ADCY6: variants seen among roughly 807,000 people sequenced by gnomAD.
ADCY6 encodes the protein adenylate cyclase 6.
In ADCY6, 59 loss-of-function variants were observed where a neutral mutation model predicts 111.6. The ratio of observed to expected loss-of-function variants is 0.53; its 90% CI spans 0.43 to 0.66. ADCY6 has a LOEUF of 0.66. Ranked by LOEUF, ADCY6 falls within the 30% of genes least tolerant of loss-of-function variation. The pLI is 0.00. For missense variants in ADCY6, 1,242 were observed against 1,595.6 expected (o/e 0.78, Z 3.78); for synonymous variants, 576 against 642.9 (o/e 0.90, Z 1.57).
chr12:48,784,974 C>G (rs992305228), intron 1 of ADCY6, among the ~76,000 whole-genome samples: 1 of 152,134 alleles, frequency 6.6e-6, no homozygotes, highest in African/African-American at 2.4e-5. Flanking sequence ...TCACAAGAAC[C>G]TCTTTGCTGT....
chr12:48,783,188 C>G lies in ADCY6; in HGVS notation c.247G>C (p.Gly83Arg). 19 of 1,607,056 alleles carry G rather than the reference C, an allele frequency of 1.2e-5. No individual in the cohort carries two copies. Among genetic ancestry groups the G allele is most frequent in the Non-Finnish European group, 1.6e-5 (19 of 1,179,686 alleles). The part of the protein sequence containing the change: ...RGGPGKGKEL[G>R]LRAVALGFED... ...AAGCCCAGGGCCACTGCCCGCAGCC[C>G]CAGCTCCTTGCCCTTGCCTGGGCCG... The change falls in exon 2 of 22, where the codon GGG becomes CGG. Residue 83 changes from glycine to arginine, a missense_variant. This residue lies in a region of ADCY6 where 362 missense variants were observed against 377.2 expected (regional missense o/e 0.96). Coordinates refer to ENST00000357869, the MANE Select transcript of ADCY6 (RefSeq NM_015270.5).
At chr12:48,781,881 C>T (rs751339815) in intron 2 of ADCY6, among the ~76,000 whole-genome samples, 2 of 152,318 alleles carry the variant, frequency 1.3e-5, no homozygotes, top group South Asian at 2.1e-4. Flanking sequence ...CAAGGAAAGG[C>T]GCCCAGGTCC....
In ADCY6 at chr12:48,771,674, C is replaced by T; in HGVS notation, c.3051+36G>A. 1 of 1,612,660 alleles carries T rather than the reference C, an allele frequency of 6.2e-7. No individual in the cohort carries two copies. The highest frequency in any genetic ancestry group is 8.5e-7 in the Non-Finnish European group (1 of 1,180,000). On this transcript the variant is annotated intron_variant, in intron 19 of 21. Coordinates refer to ENST00000357869, the MANE Select transcript of ADCY6 (RefSeq NM_015270.5). The surrounding 1 kb of genome is among the most constrained non-coding windows in gnomAD (Gnocchi z 4.3). The stretch of plus-strand genomic sequence containing the variant: ...CCAATCCCTGGTCTCCAAGTACCCC[C>T]CACTCTCTGCCACCACCAGCCAACT...
intron 2 of ADCY6, among the ~76,000 whole-genome samples, chr12:48,779,125 G>A (rs745558652): frequency 2.6e-5 from 4 of 151,878 alleles, no homozygotes; most frequent in South Asian, 2.1e-4. Flanking sequence ...CAAGTGATCC[G>A]CCCACCTCGG....
rs751062716 is a variant in ADCY6 at position 48,769,075 on chromosome 12, A to G, written c.3257-14T>C. The G allele has an allele frequency of 3.1e-5, 49 of 1,604,158 alleles. No homozygotes were observed. The highest frequency in any genetic ancestry group is 4.1e-5 in the Non-Finnish European group (48 of 1,174,484). On this transcript the variant is annotated splice_polypyrimidine_tract_variant and intron_variant, in intron 20 of 21. Coordinates refer to ENST00000357869, the MANE Select transcript of ADCY6 (RefSeq NM_015270.5). ...CCATGTTCAGCCCTGAGGTGGAGAG[A>G]ACAGCAAGAGACTAGTGGATGCTCC...
Position 48,782,500 on chromosome 12 carries a change from GC to G in ADCY6, c.864+70del. ...TGACTCACCCGCCCTTCCTCACTAA[GC>G]CCCCACCTGCTTATGAGGTGAGAAA... On this transcript the variant is annotated intron_variant, in intron 2 of 21. Transcript: ENST00000357869. This position sits in a 1 kb window ranked among gnomAD's most constrained non-coding sequence, Gnocchi z 4.3. The G allele has an allele frequency of 6.5e-7, 1 of 1,528,682 alleles. No homozygotes were observed. Among genetic ancestry groups the G allele is most frequent in the Non-Finnish European group, 8.8e-7 (1 of 1,136,848 alleles). 94.7% of individuals were successfully genotyped at this position (1,528,682 alleles called of 1,614,324 possible).
At chr12:48,770,195 C>T (rs1183373367) in intron 20 of ADCY6, among the ~76,000 whole-genome samples, 2 of 151,856 alleles carry the variant, frequency 1.3e-5, no homozygotes, top group African/African-American at 2.4e-5. Flanking sequence ...TGATCCACCG[C>T]GCCCGGCATG....
chr12:48,783,486 G>T, intron 1 of ADCY6, 48 bp from the exon 2 acceptor site: 1 of 1,611,820 alleles, frequency 6.2e-7, no homozygotes, highest in South Asian at 1.1e-5. Context: ...CAGTAGGAGT[G>T]GTATTAATAC....
At chr12:48,778,448 A>G in intron 2 of ADCY6, 191 bp from the exon 3 acceptor site, 2 of 623,704 alleles carry the variant, frequency 3.2e-6, no homozygotes, top group Non-Finnish European at 2.8e-6. Flanking sequence ...GATCCCAGCC[A>G]ACTGCCTGAA....
Position 48,770,858 on chromosome 12 carries a change from T to G in ADCY6, c.3164A>C (p.His1055Pro). ...ASTYDQVGRSHITALADYAMR... is the reference protein window; with the variant it reads ...ASTYDQVGRSPITALADYAMR... ...GGCGTAGTCAGCCAGGGCAGTGATG[T>G]GGGAGCGGCCCACCTGATCGTAGGT... Residue 1055 changes from histidine (H) to proline (P), a missense_variant, in exon 20 of 22, where the codon CAC becomes CCC. By Grantham distance (77) the His-to-Pro change is moderately conservative (BLOSUM62 -2). This residue lies in a region of ADCY6 where 245 missense variants were observed against 371.3 expected (regional missense o/e 0.66). Transcript: ENST00000357869. 4 of 1,614,242 alleles carry G rather than the reference T, an allele frequency of 2.5e-6. No homozygotes were observed. The highest frequency in any genetic ancestry group is 3.4e-6 in the Non-Finnish European group (4 of 1,180,048).
intron 1 of ADCY6, among the ~76,000 whole-genome samples, chr12:48,787,583 A>G (rs1041041457): frequency 6.6e-6 from 1 of 152,138 alleles, no homozygotes; most frequent in African/African-American, 2.4e-5. Context: ...GCACTGTTCC[A>G]AGCCACAAAA....
chr12:48,785,593 T>G (rs1467934127), intron 1 of ADCY6, among the ~76,000 whole-genome samples: 1 of 152,190 alleles, frequency 6.6e-6, no homozygotes, highest in Non-Finnish European at 1.5e-5. Context: ...CGCTCCAGCT[T>G]GGGCAATAAG....
rs367931608 is a variant in ADCY6, at chr12:48,776,133, G to A, written c.1678-42C>T. 2 of 1,613,890 alleles carry A rather than the reference G, an allele frequency of 1.2e-6. No homozygotes were observed. Among genetic ancestry groups the A allele is most frequent in the Non-Finnish European group, 1.7e-6 (2 of 1,179,900 alleles). Reference sequence around the variant, plus strand: ...GGTACAGGCTCAGAAGAGGGGCCCAGAGGAGGCCTTGGCCTGCTCCTCCCC... The same window carrying A: ...GGTACAGGCTCAGAAGAGGGGCCCAAAGGAGGCCTTGGCCTGCTCCTCCCC... On this transcript the variant is annotated intron_variant, in intron 8 of 21. Transcript: ENST00000357869. The surrounding 1 kb of genome is among the most constrained non-coding windows in gnomAD (Gnocchi z 6.1).
rs1174497819 is a variant in ADCY6, at chr12:48,777,449, G to T, written c.1209C>A (p.Thr403=). ...CAAACCGGGCAAAGAGCTCATTCAGGGTCATGACCAGCTCCTGCGCAGTGC... is the reference window on the plus strand; with the variant it reads ...CAAACCGGGCAAAGAGCTCATTCAGTGTCATGACCAGCTCCTGCGCAGTGC... ...SQCTAQELVM[T]LNELFARFDK... The change falls in exon 5 of 22, where the codon ACC becomes ACA. Residue 403 remains threonine (T), a synonymous_variant. Coordinates refer to ENST00000357869, the MANE Select transcript of ADCY6 (RefSeq NM_015270.5). The surrounding 1 kb of genome is among the most constrained non-coding windows in gnomAD (Gnocchi z 4.9). 1 of 1,613,280 alleles carries T rather than the reference G, an allele frequency of 6.2e-7. No individual in the cohort carries two copies.
Position 48,776,737 on chromosome 12 carries a change from G to A in ADCY6, c.1377-151C>T, listed in dbSNP as rs1231157295. 2 of 1,048,574 alleles carry A rather than the reference G, an allele frequency of 1.9e-6. No individual in the cohort carries two copies. The highest frequency in any genetic ancestry group is 2.7e-6 in the Non-Finnish European group (2 of 745,700). The allele number at this position is 1,048,574 out of a possible 1,614,324, so 65.0% of individuals were successfully genotyped here. A position where few individuals can be genotyped will look rare whatever the true frequency, so the allele number is the denominator to read the frequency against. On this transcript the variant is annotated intron_variant, in intron 6 of 21. Transcript: ENST00000357869. The surrounding 1 kb of genome is among the most constrained non-coding windows in gnomAD (Gnocchi z 6.1). ...CAGCCTTGGTTGGACATGAGCAGAA[G>A]GCTGCATGGGGCTCAAGGACAAATG...
At chr12:48,774,909 GGGAAGT>G in intron 12 of ADCY6, 42 bp downstream of exon 12, 1 of 1,530,388 alleles carries the variant, frequency 6.5e-7, no homozygotes, top group South Asian at 1.2e-5. Flanking sequence ...GGAAGCTTCT[GGGAAGT>G]GGTGAAGAGA....
At chr12:48,785,043 C>G (rs1199262132) in intron 1 of ADCY6, among the ~76,000 whole-genome samples, 1 of 152,180 alleles carries the variant, frequency 6.6e-6, no homozygotes, top group African/African-American at 2.4e-5. Flanking sequence ...TTCCCTCTGT[C>G]TGGAACAAGA....
chr12:48,781,523 T>C (rs1266570130), intron 2 of ADCY6, among the ~76,000 whole-genome samples: 3 of 152,080 alleles, frequency 2.0e-5, no homozygotes, highest in Admixed American at 2.0e-4. Context: ...AACTAACATC[T>C]CTCTGAAAGG....
At chr12:48,783,648 G>T (rs1941915091) in intron 1 of ADCY6, 1 of 1,251,984 alleles carries the variant, frequency 8.0e-7, no homozygotes, top group African/African-American at 1.5e-5. Context: ...GTCAGGACAA[G>T]AAACTTGCCC....
Sources: allele counts gnomAD v4.1 joint callset (sites outside exome capture counted in the v4.1 genomes callset), GRCh38; gene constraint gnomAD v4.1.1; regional missense constraint gnomAD v4.1.1; non-coding constraint Gnocchi (gnomAD v3.1); transcripts MANE v1.5; gene names NCBI Gene and HGNC (gene_info 2026-07-23, HGNC 2026-07-21).